The following DYNC1I2 variants were observed in gnomAD, a reference collection of about 807,000 sequenced individuals.
DYNC1I2 encodes the protein dynein cytoplasmic 1 intermediate chain 2.
In DYNC1I2, 53 loss-of-function variants were observed where a neutral mutation model predicts 88.6. The observed-to-expected ratio is 0.60, with a 90% CI of 0.48 to 0.75. The LOEUF (loss-of-function observed/expected upper bound fraction) is 0.75. Among genes scored for constraint, DYNC1I2 ranks in the 30% least tolerant of loss-of-function variants. The pLI, the probability that DYNC1I2 is intolerant of heterozygous loss-of-function variation, is 0.00. For missense variants in DYNC1I2, 458 were observed against 766.6 expected (o/e 0.60, Z 4.75); for synonymous variants, 198 against 254.6 (o/e 0.78, Z 2.12).
At chr2:171,741,713 C>A (rs1289771396) in intron 15 of DYNC1I2, among the ~76,000 whole-genome samples, 1 of 152,106 alleles carries the variant, frequency 6.6e-6, no homozygotes, top group African/African-American at 2.4e-5. Context: ...TATCATTGTG[C>A]TTTTGGCTTC....
chr2:171,705,998 G>A (rs577451830), intron 3 of DYNC1I2, among the ~76,000 whole-genome samples: 1 of 151,918 alleles, frequency 6.6e-6, no homozygotes, highest in East Asian at 1.9e-4. Flanking sequence ...TTATACTTAT[G>A]TTTAAGATGT....
chr2:171,724,332 A>G (rs1688096786), intron 7 of DYNC1I2, among the ~76,000 whole-genome samples: 1 of 152,174 alleles, frequency 6.6e-6, no homozygotes, highest in South Asian at 2.1e-4. Flanking sequence ...TGTGGCCTAC[A>G]AGCTGCATTT....
In DYNC1I2 at chr2:171,748,485, CT is replaced by C. The variant is rs1485915546; in HGVS notation, c.*599del. 1 of 152,042 alleles carries C rather than the reference CT, an allele frequency of 6.6e-6. No homozygotes were observed. The highest frequency in any genetic ancestry group is 1.5e-5 in the Non-Finnish European group (1 of 67,998). The allele number at this position is 152,042 out of a possible 1,614,324, so 9.4% of individuals were successfully genotyped here. A position where few individuals can be genotyped will look rare whatever the true frequency, so the allele number is the denominator to read the frequency against. ...TTTATAAAATATATTTTTTCCATAT[CT>C]TTCTTTAAGCTCCTGCTGTGAGCAG... On this transcript the variant is annotated 3_prime_UTR_variant, in exon 18 of 18. Coordinates refer to ENST00000397119, the MANE Select transcript of DYNC1I2 (RefSeq NM_001378.3).
intron 15 of DYNC1I2, among the ~76,000 whole-genome samples, chr2:171,734,098 A>C (rs893829220): frequency 6.6e-6 from 1 of 152,080 alleles, no homozygotes; most frequent in African/African-American, 2.4e-5. Context: ...GTCAAAGATG[A>C]TGATTGTAGG....
At chr2:171,701,493 A>T (rs187640257) in intron 3 of DYNC1I2, among the ~76,000 whole-genome samples, 1 of 152,100 alleles carries the variant, frequency 6.6e-6, no homozygotes, top group Non-Finnish European at 1.5e-5. Context: ...CTTTATGCCA[A>T]CTTTTTTTTT....
intron 3 of DYNC1I2, among the ~76,000 whole-genome samples, chr2:171,701,560 A>G (rs1304892270): frequency 6.6e-6 from 1 of 152,214 alleles, no homozygotes; most frequent in African/African-American, 2.4e-5. Flanking sequence ...AGATACCATT[A>G]AACTTCATAC....
chr2:171,724,905 T>C (rs1296363441), intron 7 of DYNC1I2, among the ~76,000 whole-genome samples: 1 of 152,222 alleles, frequency 6.6e-6, no homozygotes, highest in Non-Finnish European at 1.5e-5. Flanking sequence ...TTTTTAGAAG[T>C]CTTGTAAACA....
rs892214191 is a variant in DYNC1I2, at chr2:171,693,042, C to G, written c.226+148C>G. ...CTTTTATTTGGAATTGTCTTTTTTT[C>G]AGATATGCTAGTACATGGTTATTTT... is the stretch of plus-strand genomic sequence containing the variant. On this transcript the variant is annotated intron_variant, in intron 3 of 17. Transcript: ENST00000397119. The G allele has an allele frequency of 2.1e-5, 14 of 670,766 alleles. No homozygotes were observed. In the African/African-American group the frequency reaches 2.4e-4, roughly 11 times the overall value. 41.6% of individuals were successfully genotyped at this position (670,766 alleles called of 1,614,324 possible).
At chr2:171,738,877 G>A (rs951074932) in intron 15 of DYNC1I2, among the ~76,000 whole-genome samples, 4 of 152,044 alleles carry the variant, frequency 2.6e-5, no homozygotes, top group Admixed American at 2.0e-4. Context: ...GGCCAGGCAT[G>A]GTGGCTCACG....
In DYNC1I2 at chr2:171,740,952, C is replaced by T. The variant is rs145735866; in HGVS notation, c.1537-3097C>T. 1.4e-4 allele frequency among the ~76,000 whole-genome samples: 22 copies of T among 152,242 alleles called. 1 individual carries two copies. In the East Asian group the frequency reaches 4.2e-3, roughly 29 times the overall value. ...AAAATTATGCCCATTAGCAGTCACT[C>T]CACATTCTCCCCTACCCCCACAGCT... is the stretch of plus-strand genomic sequence containing the variant. On this transcript the variant is annotated intron_variant, in intron 15 of 17. Transcript: ENST00000397119.
intron 7 of DYNC1I2, among the ~76,000 whole-genome samples, 180 bp from the exon 8 acceptor site, chr2:171,725,438 T>C (rs1688171630): frequency 6.6e-6 from 1 of 152,162 alleles, no homozygotes; most frequent in African/African-American, 2.4e-5. Flanking sequence ...ATTATGTTGA[T>C]AAAAATCCCT....
intron 1 of DYNC1I2, among the ~76,000 whole-genome samples, chr2:171,689,019 T>A (rs1045367342): frequency 6.6e-6 from 1 of 151,890 alleles, no homozygotes; most frequent in Middle Eastern, 3.2e-3. Flanking sequence ...AAAAAAAAAA[T>A]CCTAATTCAT....
At chr2:171,725,310 T>G (rs1425894420) in intron 7 of DYNC1I2, among the ~76,000 whole-genome samples, 1 of 152,216 alleles carries the variant, frequency 6.6e-6, no homozygotes. Flanking sequence ...AATGAGGAAT[T>G]CATCCTAGTT....
chr2:171,697,832 C>T (rs1254155784), intron 3 of DYNC1I2, among the ~76,000 whole-genome samples: 1 of 150,446 alleles, frequency 6.6e-6, no homozygotes, highest in Non-Finnish European at 1.5e-5. Context: ...CTAGCCTGAG[C>T]GACACAGCAA....
At chr2:171,746,768 T>A (rs946015984) in intron 17 of DYNC1I2, among the ~76,000 whole-genome samples, 1 of 152,200 alleles carries the variant, frequency 6.6e-6, no homozygotes, top group African/African-American at 2.4e-5. Context: ...CACAGTCACA[T>A]GTGGCCAGTA....
At chr2:171,715,826 T>A (rs989369796) in intron 7 of DYNC1I2, among the ~76,000 whole-genome samples, 1 of 152,150 alleles carries the variant, frequency 6.6e-6, no homozygotes, top group Admixed American at 6.5e-5. Flanking sequence ...GTAAACAAAG[T>A]CATGTAAATT....
At chr2:171,712,593 G>A (rs895962399) in intron 5 of DYNC1I2, 174 bp from the exon 6 acceptor site, 8 of 560,500 alleles carry the variant, frequency 1.4e-5, no homozygotes, top group Non-Finnish European at 2.5e-5. Flanking sequence ...AGATGATTGA[G>A]TGACCTGGTG....
intron 1 of DYNC1I2, chr2:171,688,469 A>G (rs1346951187): frequency 6.6e-6 from 1 of 152,216 alleles, no homozygotes; most frequent in Non-Finnish European, 1.5e-5. Flanking sequence ...TCTGTTTTAC[A>G]GTTGACGTTG....
chr2:171,705,044 G>C (rs987136787), intron 3 of DYNC1I2, among the ~76,000 whole-genome samples: 6 of 152,116 alleles, frequency 3.9e-5, no homozygotes, highest in South Asian at 4.1e-4. Context: ...GGAGAAAGAA[G>C]ATAGTTCTGG....
Sources: allele counts gnomAD v4.1 joint callset (sites outside exome capture counted in the v4.1 genomes callset), GRCh38; gene constraint gnomAD v4.1.1; transcripts MANE v1.5; gene names NCBI Gene and HGNC (gene_info 2026-07-23, HGNC 2026-07-21).